Variants in RABL6 observed in about 807,000 individuals in gnomAD.
The protein encoded by RABL6 is rab-like protein 6.
RABL6 carries 28 observed loss-of-function variants against 72.9 expected under a neutral mutation model. That is an observed-to-expected ratio of 0.38 (90% CI 0.28 to 0.53). The LOEUF (loss-of-function observed/expected upper bound fraction) is 0.53, where lower values mean the gene tolerates loss of function less well. Ranked by LOEUF, RABL6 falls within the 20% of genes least tolerant of loss-of-function variation. RABL6 has a pLI of 0.80. For synonymous variants in RABL6, 477 were observed against 421.2 expected (o/e 1.13, Z -1.62); for missense variants, 1,029 against 1,008.4 (o/e 1.02, Z -0.28).
chr9:136,831,606 A>G, intron 5 of RABL6, 115 bp from the exon 6 acceptor site: 1 of 1,445,936 alleles, frequency 6.9e-7, no homozygotes, highest in Non-Finnish European at 9.5e-7. Flanking sequence ...GCTGGGTTGG[A>G]TGTTGGAAAT....
chr9:136,820,414 C>T (rs1183868588), intron 1 of RABL6, among the ~76,000 whole-genome samples: 1 of 151,914 alleles, frequency 6.6e-6, no homozygotes, highest in East Asian at 1.9e-4. Context: ...TTCTGTTGCC[C>T]AGGCTGGAGT....
chr9:136,832,479 C>T (rs771279520), intron 7 of RABL6, 109 bp downstream of exon 7: 17 of 932,834 alleles, frequency 1.8e-5, no homozygotes, highest in Non-Finnish European at 2.4e-5. Context: ...AGCTGTGGAC[C>T]TGCTCGGAGA....
At chr9:136,810,303 AGT>A (rs1342500445) in intron 1 of RABL6, among the ~76,000 whole-genome samples, 3 of 152,136 alleles carry the variant, frequency 2.0e-5, no homozygotes, top group Non-Finnish European at 4.4e-5. Flanking sequence ...GTCCTGGGCG[AGT>A]GTGACTAAAA....
chr9:136,840,117 G>C (rs1848661985), intron 13 of RABL6, 37 bp from the exon 14 acceptor site: 1 of 1,612,800 alleles, frequency 6.2e-7, no homozygotes, highest in Non-Finnish European at 8.5e-7. Flanking sequence ...GTCCCCGTTG[G>C]CCTGAGTTTG....
intron 2 of RABL6, among the ~76,000 whole-genome samples, chr9:136,823,896 G>A (rs1279276269): frequency 6.6e-6 from 1 of 152,250 alleles, no homozygotes; most frequent in African/African-American, 2.4e-5. Context: ...TTGGGGCAGC[G>A]TTGGCCGCAG....
At chr9:136,820,442 G>A (rs912506851) in intron 1 of RABL6, among the ~76,000 whole-genome samples, 9 of 151,564 alleles carry the variant, frequency 5.9e-5, no homozygotes, top group Non-Finnish European at 8.8e-5. Context: ...TGTGATCTTG[G>A]CTCACTGCAA....
rs1402751620 is a variant in RABL6, at chr9:136,840,725, A to G, written c.*203A>G. 43 of 1,548,438 alleles carry G rather than the reference A, an allele frequency of 2.8e-5. No individual in the cohort carries two copies. The highest frequency in any genetic ancestry group is 4.8e-5 in the South Asian group (4 of 83,986). On this transcript the variant is annotated 3_prime_UTR_variant, in exon 15 of 15. Coordinates refer to ENST00000311502, the MANE Select transcript of RABL6 (RefSeq NM_024718.5). Reference sequence around the variant, plus strand: ...AGGCCCAGTGTGAGCCTGCTCTGCAAGAAGGGAGGGGACAGCTGGCTTCAG... The same window carrying G: ...AGGCCCAGTGTGAGCCTGCTCTGCAGGAAGGGAGGGGACAGCTGGCTTCAG...
At chr9:136,835,991 G>A in intron 8 of RABL6, 146 bp downstream of exon 8, 4 of 750,998 alleles carry the variant, frequency 5.3e-6, no homozygotes, top group South Asian at 3.5e-5. Context: ...GGGTGGAGGA[G>A]GACTCAGGTT....
In RABL6 at chr9:136,815,344, C is replaced by G. The variant is rs369492759; in HGVS notation, c.130+7018C>G. 1.3e-4 allele frequency: 35 copies of G among 276,578 alleles called. No individual in the cohort carries two copies. The East Asian group carries it at 2.6e-3, about 21-fold the overall frequency. 17.1% of individuals were successfully genotyped at this position (276,578 alleles called of 1,614,324 possible). ...CCTGCAGCCTTTTTTGTTCGGGAAACTGTCACCTTCTTGGCTGGGGTTGCA... is the reference window on the plus strand; with the variant it reads ...CCTGCAGCCTTTTTTGTTCGGGAAAGTGTCACCTTCTTGGCTGGGGTTGCA... On this transcript the variant is annotated intron_variant, in intron 1 of 14. Transcript: ENST00000311502.
chr9:136,809,864 G>C (rs1368519358), intron 1 of RABL6: 1 of 160,374 alleles, frequency 6.2e-6, no homozygotes, highest in Non-Finnish European at 1.4e-5. Context: ...TGGGGAGAAG[G>C]CTTGACTATT....
chr9:136,825,187 G>T (rs1304336892), intron 2 of RABL6, among the ~76,000 whole-genome samples: 1 of 152,244 alleles, frequency 6.6e-6, no homozygotes, highest in Non-Finnish European at 1.5e-5. Flanking sequence ...CGAAGGGAGG[G>T]TCCGGCCTCC....
intron 1 of RABL6, among the ~76,000 whole-genome samples, chr9:136,822,972 C>G (rs922682226): frequency 6.6e-6 from 1 of 151,976 alleles, no homozygotes; most frequent in Non-Finnish European, 1.5e-5. Flanking sequence ...CCTGTAGTCC[C>G]AGCTACTCGG....
Position 136,839,709 on chromosome 9 carries a change from C to T in RABL6, c.1774C>T (p.Arg592Ter), listed in dbSNP as rs370980425. ...TQRRADDFPV[R>*]DDPSDVTDED... is the part of the protein sequence containing the mutation. ...CCTGCTCCAGGATGACTTTCCCGTG[C>T]GAGATGACCCCTCCGATGTGACTGA... is the stretch of plus-strand genomic sequence containing the variant. Residue 592 changes from arginine (R) to a stop codon, truncating the protein, a stop_gained, in exon 13 of 15, where the codon CGA becomes TGA. Coordinates refer to ENST00000311502, the MANE Select transcript of RABL6 (RefSeq NM_024718.5). LOFTEE classifies it high-confidence loss of function. 1.9e-6 allele frequency: 3 copies of T among 1,588,020 alleles called. No homozygotes were observed. The highest frequency in any genetic ancestry group is 2.2e-5 in the East Asian group (1 of 44,478).
intron 1 of RABL6, among the ~76,000 whole-genome samples, chr9:136,810,403 G>A (rs1301771047): frequency 6.6e-6 from 1 of 152,162 alleles, no homozygotes; most frequent in African/African-American, 2.4e-5. Flanking sequence ...ATGAAAGGTG[G>A]TGAGACAGAG....
At chr9:136,834,730 GC>G (rs1047994835) in intron 7 of RABL6, among the ~76,000 whole-genome samples, 10 of 151,894 alleles carry the variant, frequency 6.6e-5, no homozygotes, top group Middle Eastern at 3.4e-3. Flanking sequence ...GCCCGCCTTG[GC>G]CCCCCCAAAG....
intron 3 of RABL6, among the ~76,000 whole-genome samples, 153 bp downstream of exon 3, chr9:136,825,979 G>A (rs1848347278): frequency 6.6e-6 from 1 of 152,160 alleles, no homozygotes; most frequent in Non-Finnish European, 1.5e-5. Context: ...CACATCCAGT[G>A]GCGACCCCGC....
rs1313650911 is a variant in RABL6 at position 136,832,380 on chromosome 9, C to T, written c.705+10C>T. 3 of 1,596,040 alleles carry T rather than the reference C, an allele frequency of 1.9e-6. No homozygotes were observed. The highest frequency in any genetic ancestry group is 2.6e-6 in the Non-Finnish European group (3 of 1,163,606). The stretch of plus-strand genomic sequence containing the variant: ...ATTTTTGCAGCTTCAGGTAAGCACT[C>T]ACCACGTGGGGTGGAGTGGCTGCTG... On this transcript the variant is annotated intron_variant, in intron 7 of 14. Transcript: ENST00000311502.
intron 13 of RABL6, 42 bp downstream of exon 13, chr9:136,839,907 G>C: frequency 6.3e-7 from 1 of 1,586,312 alleles, no homozygotes; most frequent in Non-Finnish European, 8.6e-7. Flanking sequence ...GCTGGAGTTT[G>C]GGTAGAACGT....
chr9:136,818,507 G>C (rs1848173261), intron 1 of RABL6, among the ~76,000 whole-genome samples: 1 of 151,886 alleles, frequency 6.6e-6, no homozygotes, highest in African/African-American at 2.4e-5. Context: ...ACTTTGGGAG[G>C]CCAAGGTGGG....
Sources: allele counts gnomAD v4.1 joint callset (sites outside exome capture counted in the v4.1 genomes callset), GRCh38; gene constraint gnomAD v4.1.1; transcripts MANE v1.5; gene names NCBI Gene and HGNC (gene_info 2026-07-23, HGNC 2026-07-21).